Variants in NTN1 observed in about 807,000 individuals in gnomAD.
NTN1 encodes netrin-1.
In NTN1, 11 loss-of-function variants were observed where a neutral mutation model predicts 54.2. That is an observed-to-expected ratio of 0.20 (90% confidence interval 0.13 to 0.34). The LOEUF is 0.34. Ranked by LOEUF, NTN1 falls within the 10% of genes least tolerant of loss-of-function variation. The pLI, the probability that NTN1 is intolerant of heterozygous loss-of-function variation, is 1.00. For synonymous variants in NTN1, 371 were observed against 382.0 expected (o/e 0.97, Z 0.33); for missense variants, 740 against 893.1 (o/e 0.83, Z 2.18).
chr17:9,003,471 C>G, the NTN1 span, among the ~76,000 whole-genome samples: 2 of 151,032 alleles, frequency 1.3e-5, no homozygotes, highest in African/African-American at 4.8e-5. The surrounding 1 kb of genome is among the most constrained non-coding windows in gnomAD (Gnocchi z 7.4). Flanking sequence ...CCAGCCTGCT[C>G]CGGGCCGCGA....
At position 9,215,250 on chromosome 17, in the gene NTN1, TACACACACACAC is replaced by T. The variant is rs58245153; in HGVS notation, c.1412-5890_1412-5879del. Among the ~76,000 whole-genome samples the T allele has an allele frequency of 6.0e-4, 83 of 138,320 alleles. 1 individual carries two copies. In the South Asian group the frequency reaches 0.012, roughly 21 times the overall value. 90.7% of individuals were successfully genotyped at this position (138,320 alleles called of 152,430 possible). A position where few individuals can be genotyped will look rare whatever the true frequency, so the allele number is the denominator to read the frequency against. On this transcript the variant is annotated intron_variant, in intron 5 of 6. Coordinates refer to ENST00000173229, the MANE Select transcript of NTN1 (RefSeq NM_004822.3). ...TTTTATATATACATAGCTAGATAGA[TACACACACACAC>T]ACACACACACACACACACACACACA...
chr17:9,159,918 T>C (rs148206796), intron 2 of NTN1, among the ~76,000 whole-genome samples: 1 of 152,250 alleles, frequency 6.6e-6, no homozygotes, highest in Non-Finnish European at 1.5e-5. Flanking sequence ...AGAGCACAAA[T>C]ATATATGTTC....
At chr17:9,206,563 G>A (rs551016098) in intron 5 of NTN1, among the ~76,000 whole-genome samples, 5 of 152,218 alleles carry the variant, frequency 3.3e-5, no homozygotes, top group African/African-American at 1.2e-4. Context: ...GCCTCTCCGT[G>A]CCTTCCCTTT....
chr17:9,114,339 T>C (rs956613675), intron 2 of NTN1, among the ~76,000 whole-genome samples: 2 of 150,898 alleles, frequency 1.3e-5, no homozygotes, highest in Admixed American at 6.6e-5. Context: ...TCTATTAACA[T>C]ATTTAGGGTG....
chr17:9,183,377 G>T, intron 5 of NTN1: 1 of 485,198 alleles, frequency 2.1e-6, no homozygotes, highest in Non-Finnish European at 4.2e-6. Flanking sequence ...GCAGAATGCA[G>T]GGGGCCCAGG....
In NTN1 at chr17:9,048,654, C is replaced by CT. The variant is rs527587701; in HGVS notation, c.1018+25274dup. 4.1e-3 allele frequency among the ~76,000 whole-genome samples: 596 copies of CT among 146,912 alleles called. 5 individuals are homozygous for CT. The highest frequency in any genetic ancestry group is 0.013 in the African/African-American group (519 of 40,294). Reference sequence around the variant, plus strand: ...GAAAATCTGTTGTGTAGTGTAGCCACTTTTTTTTTTTCTTTTTTTTGAGAC... The same window carrying CT: ...GAAAATCTGTTGTGTAGTGTAGCCACTTTTTTTTTTTTCTTTTTTTTGAGAC... On this transcript the variant is annotated intron_variant, in intron 2 of 6. Coordinates refer to ENST00000173229, the MANE Select transcript of NTN1 (RefSeq NM_004822.3).
At chr17:9,193,438 T>A (rs1460075665) in intron 5 of NTN1, among the ~76,000 whole-genome samples, 1 of 152,252 alleles carries the variant, frequency 6.6e-6, no homozygotes, top group Non-Finnish European at 1.5e-5. Flanking sequence ...AGTTTAGACG[T>A]TATGACATTT....
intron 2 of NTN1, among the ~76,000 whole-genome samples, chr17:9,131,581 C>CTTTTTTT (rs11361363): frequency 7.5e-6 from 1 of 134,068 alleles, no homozygotes; most frequent in Non-Finnish European, 1.6e-5. Context: ...TCCCTTGATG[C>CTTTTTTT]TTTTTTTTTT....
At chr17:9,158,554 TGTTACTTC>T (rs2142295222) in intron 2 of NTN1, among the ~76,000 whole-genome samples, 1 of 152,334 alleles carries the variant, frequency 6.6e-6, no homozygotes, top group African/African-American at 2.4e-5. Flanking sequence ...CTAGGCCAGC[TGTTACTTC>T]CAGTGATAGG....
chr17:9,208,204 C>T (rs55661026), intron 5 of NTN1, among the ~76,000 whole-genome samples: 26,261 of 152,116 alleles, frequency 0.17, 2,962 homozygotes, highest in Non-Finnish European at 0.26. Context: ...TGCACTCCAG[C>T]CTAGGCCACA....
chr17:9,114,231 G>A (rs1231197739), intron 2 of NTN1, among the ~76,000 whole-genome samples: 1 of 143,986 alleles, frequency 6.9e-6, no homozygotes, highest in Non-Finnish European at 1.5e-5. Flanking sequence ...GACTTAAAAG[G>A]AGTAAGGGAA....
chr17:9,023,024 C>A lies in NTN1; in HGVS notation c.651C>A (p.Leu217=). 6.2e-7 allele frequency: 1 copy of A among 1,600,072 alleles called. No individual in the cohort carries two copies. Among genetic ancestry groups the A allele is most frequent in the Admixed American group, 1.7e-5 (1 of 58,366 alleles). The change falls in exon 2 of 7, where the codon CTC becomes CTA. Residue 217 remains leucine (L), a synonymous_variant. Transcript: ENST00000173229. ...HTDMRPLSGG[L]IAFSTLDGRP... ...ACATGCGCCCGCTCTCGGGCGGCCT[C>A]ATCGCCTTCAGCACGCTGGACGGGC...
At chr17:9,173,594 C>T (rs912621799) in intron 3 of NTN1, 13 of 152,352 alleles carry the variant, frequency 8.5e-5, no homozygotes, top group African/African-American at 2.9e-4. Flanking sequence ...TCTACCCCTA[C>T]GTTCTTTGTG....
At chr17:9,149,252 A>ACCC (rs397768689) in intron 2 of NTN1, among the ~76,000 whole-genome samples, 45 of 148,490 alleles carry the variant, frequency 3.0e-4, no homozygotes, top group African/African-American at 1.0e-3. Flanking sequence ...ATTGGAAGGA[A>ACCC]CCCCCCCCAC....
intron 5 of NTN1, among the ~76,000 whole-genome samples, chr17:9,213,040 C>A (rs906586304): frequency 6.6e-6 from 1 of 152,210 alleles, no homozygotes; most frequent in Non-Finnish European, 1.5e-5. Context: ...GCAGGACGGT[C>A]TCGGCCGCTG....
chr17:9,178,755 C>T (rs1254880997), intron 3 of NTN1, among the ~76,000 whole-genome samples: 1 of 152,222 alleles, frequency 6.6e-6, no homozygotes, highest in Non-Finnish European at 1.5e-5. Flanking sequence ...GGACATTTGC[C>T]TTCTTCCTTC....
intron 2 of NTN1, among the ~76,000 whole-genome samples, chr17:9,117,762 C>CA (rs1298035628): frequency 4.8e-5 from 4 of 83,360 alleles, no homozygotes; most frequent in Middle Eastern, 5.4e-3. Flanking sequence ...AACAAACAAA[C>CA]AAAAAAACCA....
chr17:9,205,600 G>A (rs1294556997), intron 5 of NTN1, among the ~76,000 whole-genome samples: 1 of 152,274 alleles, frequency 6.6e-6, no homozygotes, highest in African/African-American at 2.4e-5. Context: ...TCCAGCTGGG[G>A]TGACAAAGGG....
intron 2 of NTN1, among the ~76,000 whole-genome samples, chr17:9,088,998 A>C (rs2092099318): frequency 6.6e-6 from 1 of 152,172 alleles, no homozygotes; most frequent in Admixed American, 6.5e-5. Context: ...GGTGTCCGCC[A>C]TCGGAGTGCT....
Sources: gnomAD v4.1 joint callset for allele counts (sites outside exome capture counted in the v4.1 genomes callset) on GRCh38, gnomAD v4.1.1 for gene constraint, Gnocchi (gnomAD v3.1) non-coding constraint, MANE v1.5 for transcripts, NCBI Gene and HGNC (gene_info 2026-07-23, HGNC 2026-07-21) for gene names.